IBA57: variants seen among roughly 807,000 people sequenced by gnomAD.
The protein encoded by IBA57 is iron-sulfur cluster assembly factor IBA57, also known as iron-sulfur cluster assembly factor IBA57, mitochondrial.
IBA57 carries 20 observed loss-of-function variants against 20.4 expected under a neutral mutation model. That is an observed-to-expected ratio of 0.98 (90% CI 0.69 to 1.42). The LOEUF is 1.42. Ranked by LOEUF, IBA57 falls within the 40% of genes most tolerant of loss-of-function variation. IBA57 has a pLI of 0.00. For missense variants in IBA57, 608 were observed against 499.3 expected (o/e 1.22, Z -2.07); for synonymous variants, 310 against 233.9 (o/e 1.33, Z -2.97).
At position 228,165,844 on chromosome 1, in the gene IBA57, G is replaced by A. The variant is rs1023107703; in HGVS notation, c.28G>A (p.Ala10Thr). MATAALLRG[A>T]TPGRGGPVWR... ...GGCGACCGCGGCGCTGCTTCGAGGC[G>A]CCACTCCGGGGCGCGGCGGCCCGGT... Residue 10 changes from alanine to threonine, a missense_variant, in exon 1 of 3, where the codon GCC (alanine) becomes ACC (threonine). By Grantham distance (58) the Ala-to-Thr change is moderately conservative. Coordinates refer to ENST00000366711, the MANE Select transcript of IBA57 (RefSeq NM_001010867.4). The A allele has an allele frequency of 3.1e-6, 4 of 1,305,892 alleles. No homozygotes were observed. The highest frequency in any genetic ancestry group is 1.5e-5 in the African/African-American group (1 of 64,690). 80.9% of individuals were successfully genotyped at this position (1,305,892 alleles called of 1,614,324 possible).
intron 1 of IBA57, among the ~76,000 whole-genome samples, chr1:228,168,466 GCTGT>G (rs1284090489): frequency 1.3e-5 from 2 of 152,122 alleles, no homozygotes; most frequent in Admixed American, 6.6e-5. Flanking sequence ...TCAAGGGTCA[GCTGT>G]CTGTCCTTTC....
chr1:228,173,818 G>A (rs2034959832), intron 1 of IBA57, among the ~76,000 whole-genome samples: 2 of 152,342 alleles, frequency 1.3e-5, no homozygotes, highest in Admixed American at 6.5e-5. Context: ...GGACTACTCC[G>A]GATGATGCCC....
chr1:228,167,694 C>T (rs905326166), intron 1 of IBA57, among the ~76,000 whole-genome samples: 2 of 152,130 alleles, frequency 1.3e-5, no homozygotes, highest in African/African-American at 4.8e-5. Flanking sequence ...AGTTGTGGCA[C>T]GAGTGTGGCC....
Position 228,175,689 on chromosome 1 carries a change from C to A in IBA57, c.*176C>A. 1.4e-6 allele frequency: 1 copy of A among 737,980 alleles called. No individual in the cohort carries two copies. Among genetic ancestry groups the A allele is most frequent in the Non-Finnish European group, 2.0e-6 (1 of 492,176 alleles). 45.7% of individuals were successfully genotyped at this position (737,980 alleles called of 1,614,324 possible). ...GCCTGGCCCCACCCATGCTCAGGGG[C>A]CCCAGGCACGTGGGTTGTTTTCTCC... On this transcript the variant is annotated 3_prime_UTR_variant, in exon 3 of 3. Transcript: ENST00000366711.
chr1:228,167,213 C>T (rs1035083702), intron 1 of IBA57, among the ~76,000 whole-genome samples: 4 of 152,316 alleles, frequency 2.6e-5, no homozygotes, highest in Middle Eastern at 3.4e-3. Flanking sequence ...CATATCACAT[C>T]TCTGGGCACT....
At position 228,174,911 on chromosome 1, in the gene IBA57, CGA is replaced by C. The variant is rs2034987296; in HGVS notation, c.562_563del (p.Asp188ProfsTer15). 1 of 1,601,010 alleles carries C rather than the reference CGA, an allele frequency of 6.2e-7. No homozygotes were observed. Among genetic ancestry groups the C allele is most frequent in the Admixed American group, 1.7e-5 (1 of 59,418 alleles). ...RAGAAAILIR[D>X]PRTARMGWRL... ...CAGGGGCTGCCGCCATCCTCATCCGCGACCCGCGAACAGCACGCATGGGGTGG... is the reference window on the plus strand; with the variant it reads ...CAGGGGCTGCCGCCATCCTCATCCGCCCCGCGAACAGCACGCATGGGGTGG... On this transcript the variant is annotated frameshift_variant, in exon 2 of 3. Transcript: ENST00000366711. LOFTEE classifies it high-confidence loss of function.
chr1:228,179,810 C>T lies in IBA57; in HGVS notation c.*4297C>T, dbSNP rs2035079065. On this transcript the variant is annotated 3_prime_UTR_variant, in exon 3 of 3. Transcript: ENST00000366711. Reference sequence around the variant, plus strand: ...AGATAGTAAATAATATCTTCAAAGTCCTGGGAGAAAATAGTGATAGCCTAG... The same window carrying T: ...AGATAGTAAATAATATCTTCAAAGTTCTGGGAGAAAATAGTGATAGCCTAG... 1 of 152,094 alleles carries T rather than the reference C, an allele frequency of 6.6e-6. No homozygotes were observed. Among genetic ancestry groups the T allele is most frequent in the African/African-American group, 2.4e-5 (1 of 41,396 alleles). 9.4% of individuals were successfully genotyped at this position (152,094 alleles called of 1,614,324 possible).
chr1:228,172,854 G>A (rs1324418639), intron 1 of IBA57: 1 of 152,304 alleles, frequency 6.6e-6, no homozygotes, highest in Admixed American at 6.5e-5. Context: ...TGGTGGCGTG[G>A]TGACCTTTCC....
rs190655298 is a variant in IBA57, at chr1:228,173,938, T to A, written c.342-754T>A. ...TAGACGAGAGCTCCGGAGGCTCAGCTGCGCACGGCTGTGGGCAGGGCTTTC... is the reference window on the plus strand; with the variant it reads ...TAGACGAGAGCTCCGGAGGCTCAGCAGCGCACGGCTGTGGGCAGGGCTTTC... On this transcript the variant is annotated intron_variant, in intron 1 of 2. Transcript: ENST00000366711. 2.9e-3 allele frequency among the ~76,000 whole-genome samples: 438 copies of A among 152,354 alleles called. 6 individuals are homozygous for A. The highest frequency in any genetic ancestry group is 0.01 in the African/African-American group (428 of 41,594).
rs2124974173 is a variant in IBA57 at position 228,170,776 on chromosome 1, T to C, written c.342-3916T>C. ...CAAGAGTGTCAGGGCTGTGGCCTTGTGTCTGGCCAGCACTGAGGAGCAGGA... is the reference window on the plus strand; with the variant it reads ...CAAGAGTGTCAGGGCTGTGGCCTTGCGTCTGGCCAGCACTGAGGAGCAGGA... On this transcript the variant is annotated intron_variant, in intron 1 of 2. Coordinates refer to ENST00000366711, the MANE Select transcript of IBA57 (RefSeq NM_001010867.4). This position sits in a 1 kb window ranked among gnomAD's most constrained non-coding sequence, Gnocchi z 4.8. 6.6e-6 allele frequency among the ~76,000 whole-genome samples: 1 copy of C among 152,296 alleles called. No homozygotes were observed.
Position 228,181,608 on chromosome 1 carries a change from C to T in IBA57, c.*6095C>T, listed in dbSNP as rs1312250422. On this transcript the variant is annotated 3_prime_UTR_variant, in exon 3 of 3. Coordinates refer to ENST00000366711, the MANE Select transcript of IBA57 (RefSeq NM_001010867.4). ...CACAGGTTGTGTGTACATACATTTT[C>T]CTGTCTTTCTGGTAAGCCCCTGGGG... is the stretch of plus-strand genomic sequence containing the variant. 1 of 152,256 alleles carries T rather than the reference C, an allele frequency of 6.6e-6. No individual in the cohort carries two copies. Among genetic ancestry groups the T allele is most frequent in the Non-Finnish European group, 1.5e-5 (1 of 68,050 alleles). 9.4% of individuals were successfully genotyped at this position (152,256 alleles called of 1,614,324 possible).
Position 228,175,215 on chromosome 1 carries a change from G to C in IBA57, c.773G>C (p.Gly258Ala), listed in dbSNP as rs150372035. 2 of 1,612,822 alleles carry C rather than the reference G, an allele frequency of 1.2e-6. No individual in the cohort carries two copies. Among genetic ancestry groups the C allele is most frequent in the African/African-American group, 1.3e-5 (1 of 74,934 alleles). ...ATGAACGGCGTGAGCTTCACCAAAG[G>C]CTGCTACATTGGCCAGGAGCTGACG... ...AFMNGVSFTK[G>A]CYIGQELTAR... The change falls in exon 3 of 3, where the codon GGC becomes GCC. Residue 258 changes from glycine to alanine, a missense_variant. Physicochemically the swap from Gly to Ala is moderately conservative, Grantham distance 60 (BLOSUM62 0). Coordinates refer to ENST00000366711, the MANE Select transcript of IBA57 (RefSeq NM_001010867.4).
At position 228,180,226 on chromosome 1, in the gene IBA57, C is replaced by T. The variant is rs1047412640; in HGVS notation, c.*4713C>T. ...TTCATACCACGAAACTGCCCTCACTCCGGAGTTTGCTGCCAGCAGAGCCTA... is the reference window on the plus strand; with the variant it reads ...TTCATACCACGAAACTGCCCTCACTTCGGAGTTTGCTGCCAGCAGAGCCTA... On this transcript the variant is annotated 3_prime_UTR_variant, in exon 3 of 3. Coordinates refer to ENST00000366711, the MANE Select transcript of IBA57 (RefSeq NM_001010867.4). 8 of 151,156 alleles carry T rather than the reference C, an allele frequency of 5.3e-5. No homozygotes were observed. Among genetic ancestry groups the T allele is most frequent in the Admixed American group, 3.3e-4 (5 of 15,160 alleles). 9.4% of individuals were successfully genotyped at this position (151,156 alleles called of 1,614,324 possible).
Position 228,170,436 on chromosome 1 carries a change from G to A in IBA57, c.342-4256G>A, listed in dbSNP as rs2034908173. The stretch of plus-strand genomic sequence containing the variant: ...TACCTTCAAACTCCTGGGCTCAAGT[G>A]ATCCTCCCACCTCAGCCTCCCAAGT... On this transcript the variant is annotated intron_variant, in intron 1 of 2. Transcript: ENST00000366711. The surrounding 1 kb of genome is among the most constrained non-coding windows in gnomAD (Gnocchi z 4.8). Among the ~76,000 whole-genome samples the A allele has an allele frequency of 6.6e-6, 1 of 152,128 alleles. No individual in the cohort carries two copies. The highest frequency in any genetic ancestry group is 1.5e-5 in the Non-Finnish European group (1 of 68,012).
Position 228,175,949 on chromosome 1 carries a change from G to A in IBA57, c.*436G>A. The A allele has an allele frequency of 6.0e-6, 1 of 167,588 alleles. No homozygotes were observed. Among genetic ancestry groups the A allele is most frequent in the South Asian group, 1.7e-4 (1 of 5,838 alleles). 10.4% of individuals were successfully genotyped at this position (167,588 alleles called of 1,614,324 possible). On this transcript the variant is annotated 3_prime_UTR_variant, in exon 3 of 3. Coordinates refer to ENST00000366711, the MANE Select transcript of IBA57 (RefSeq NM_001010867.4). The stretch of plus-strand genomic sequence containing the variant: ...CCAGGGTCTGCAGGCTGGGGCTCGG[G>A]CTTTGGGAGTTGTTTCACTGTGCTT...
chr1:228,169,584 T>C (rs78155484), intron 1 of IBA57, among the ~76,000 whole-genome samples: 1 of 152,182 alleles, frequency 6.6e-6, no homozygotes, highest in Non-Finnish European at 1.5e-5. Flanking sequence ...GAGGGCTCAC[T>C]CTTGGCTTGG....
Position 228,175,507 on chromosome 1 carries a change from C to T in IBA57, c.1065C>T (p.Ser355=), listed in dbSNP as rs778698004. Residue 355 remains serine, a synonymous_variant, in exon 3 of 3, where the codon TCC becomes TCT. Transcript: ENST00000366711. ...ASVPDWWPTV[S]K Reference sequence around the variant, plus strand: ...TGCCAGACTGGTGGCCTACAGTCTCCAAGTAGTCCGAAGCCTTGGCTGGCG... The same window carrying T: ...TGCCAGACTGGTGGCCTACAGTCTCTAAGTAGTCCGAAGCCTTGGCTGGCG... The T allele has an allele frequency of 9.0e-6, 14 of 1,562,016 alleles. No homozygotes were observed. Among genetic ancestry groups the T allele is most frequent in the East Asian group, 2.3e-5 (1 of 44,364 alleles).
Position 228,175,254 on chromosome 1 carries a change from A to G in IBA57, c.812A>G (p.His271Arg), listed in dbSNP as rs1316332338. The G allele has an allele frequency of 6.2e-7, 1 of 1,612,760 alleles. No homozygotes were observed. The highest frequency in any genetic ancestry group is 1.7e-5 in the Admixed American group (1 of 60,014). ...CAGGAGCTGACGGCCCGCACCCACC[A>G]CATGGGCGTCATCCGCAAGCGCCTC... ...IGQELTARTH[H>R]MGVIRKRLFP... is the part of the protein sequence containing the mutation. Residue 271 changes from histidine (H) to arginine (R), a missense_variant, in exon 3 of 3, where the codon CAC becomes CGC. Physicochemically the swap from His to Arg is conservative, Grantham distance 29 (BLOSUM62 0). Coordinates refer to ENST00000366711, the MANE Select transcript of IBA57 (RefSeq NM_001010867.4).
chr1:228,175,245 G>A lies in IBA57; in HGVS notation c.803G>A (p.Arg268His), dbSNP rs773534915. Residue 268 changes from arginine to histidine, a missense_variant, in exon 3 of 3, where the codon CGC becomes CAC. Coordinates refer to ENST00000366711, the MANE Select transcript of IBA57 (RefSeq NM_001010867.4). ...TACATTGGCCAGGAGCTGACGGCCC[G>A]CACCCACCACATGGGCGTCATCCGC... The part of the protein sequence containing the change: ...GCYIGQELTA[R>H]THHMGVIRKR... The A allele has an allele frequency of 1.2e-6, 2 of 1,612,802 alleles. No homozygotes were observed. Among genetic ancestry groups the A allele is most frequent in the Non-Finnish European group, 1.7e-6 (2 of 1,179,990 alleles).
Sources: gnomAD v4.1 joint callset for allele counts (sites outside exome capture counted in the v4.1 genomes callset) on GRCh38, gnomAD v4.1.1 for gene constraint, Gnocchi (gnomAD v3.1) non-coding constraint, MANE v1.5 for transcripts, NCBI Gene and HGNC (gene_info 2026-07-23, HGNC 2026-07-21) for gene names.